DENND6B: variants seen among roughly 807,000 people sequenced by gnomAD.
The protein encoded by DENND6B is DENN domain containing 6B, also known as protein DENND6B.
DENND6B carries 73 observed loss-of-function variants against 85.1 expected under a neutral mutation model. That is an observed-to-expected ratio of 0.86 (90% CI 0.71 to 1.04). DENND6B has a LOEUF of 1.04. DENND6B is among the 50% of genes least tolerant of loss of function. DENND6B has a pLI of 0.00. For missense variants in DENND6B, 715 were observed against 785.8 expected, an observed-to-expected ratio of 0.91 and a Z score of 1.08; for synonymous variants, 357 against 329.3, an observed-to-expected ratio of 1.08 and a Z score of -0.91.
Position 50,311,997 on chromosome 22 carries a change from A to G in DENND6B, c.*142T>C. 5 of 1,345,058 alleles carry G rather than the reference A, an allele frequency of 3.7e-6. No individual in the cohort carries two copies. Among genetic ancestry groups the G allele is most frequent in the Non-Finnish European group, 5.0e-6 (5 of 1,007,348 alleles). The allele number at this position is 1,345,058 out of a possible 1,614,324, so 83.3% of individuals were successfully genotyped here. ...AAATGTCGCCTTTACTGCTGAGACA[A>G]TGGTGGTGCAGGAAGGGGAGCCTGC... On this transcript the variant is annotated 3_prime_UTR_variant, in exon 20 of 20. Coordinates refer to ENST00000413817, the MANE Select transcript of DENND6B (RefSeq NM_001001794.4).
chr22:50,315,942 G>A, intron 8 of DENND6B, 83 bp downstream of exon 8: 1 of 1,600,570 alleles, frequency 6.2e-7, no homozygotes, highest in Admixed American at 1.7e-5. Flanking sequence ...CAAGGAAGCA[G>A]GTGTGGGACC....
At chr22:50,325,974 T>G (rs1052370631) in intron 1 of DENND6B, among the ~76,000 whole-genome samples, 1 of 152,132 alleles carries the variant, frequency 6.6e-6, no homozygotes, top group African/African-American at 2.4e-5. Flanking sequence ...CCTGCGGTAA[T>G]AGAGAGCTCA....
intron 17 of DENND6B, 85 bp downstream of exon 17, chr22:50,312,914 C>T (rs1287505677): frequency 6.8e-6 from 8 of 1,173,742 alleles, no homozygotes; most frequent in Middle Eastern, 2.9e-4. Flanking sequence ...TGGGGATGAC[C>T]CTGGGGATTG....
At position 50,316,031 on chromosome 22, in the gene DENND6B, G is replaced by A. The variant is rs761932421; in HGVS notation, c.696C>T (p.Asp232=). 2.5e-6 allele frequency: 4 copies of A among 1,612,562 alleles called. No individual in the cohort carries two copies. In the Admixed American group the frequency reaches 6.7e-5, roughly 27 times the overall value. Residue 232 remains aspartate, a synonymous_variant, in exon 8 of 20, where the codon GAC becomes GAT. Transcript: ENST00000413817. ...KSESSPPKQF[D]QENLLPAPVV... Reference sequence around the variant, plus strand: ...CCTCCGCCTCAGCTCCCACCTCTTGGTCAAACTGCTTCGGAGGACTGGACT... The same window carrying A: ...CCTCCGCCTCAGCTCCCACCTCTTGATCAAACTGCTTCGGAGGACTGGACT...
At chr22:50,315,811 G>T in intron 8 of DENND6B, 42 bp from the exon 9 acceptor site, 10 of 1,486,742 alleles carry the variant, frequency 6.7e-6, no homozygotes, top group Non-Finnish European at 9.0e-6. Flanking sequence ...GGGGAGGCTG[G>T]CACCCCTTGG....
intron 1 of DENND6B, among the ~76,000 whole-genome samples, chr22:50,321,982 T>G (rs1033368257): frequency 6.6e-6 from 1 of 151,752 alleles, no homozygotes; most frequent in Non-Finnish European, 1.5e-5. Flanking sequence ...AAGCCTGTGC[T>G]ACCACGCCCA....
At chr22:50,316,710 G>C (rs1014281745) in intron 5 of DENND6B, 1 of 1,458,638 alleles carries the variant, frequency 6.9e-7, no homozygotes, top group Non-Finnish European at 9.1e-7. Context: ...TGGACCCTAG[G>C]GCCTTCGGAG....
chr22:50,312,248 C>T lies in DENND6B; in HGVS notation c.1649G>A (p.Gly550Asp), dbSNP rs1268524032. Residue 550 changes from glycine to aspartate, a missense_variant, in exon 20 of 20, where the codon GGC becomes GAC. Physicochemically the swap from Gly to Asp is moderately conservative, Grantham distance 94 (BLOSUM62 -1). Transcript: ENST00000413817. ...KLREKLVRAQ[G>D]HQLPVKEATL... ...AGCCTCCTTCACAGGGAGCTGGTGG[C>T]CCTGAGCCCGCACCTGGAGGGGCAG... The T allele has an allele frequency of 1.9e-6, 3 of 1,612,016 alleles. No individual in the cohort carries two copies. The highest frequency in any genetic ancestry group is 2.2e-5 in the South Asian group (2 of 90,978).
At chr22:50,324,962 T>C (rs1397448902) in intron 1 of DENND6B, among the ~76,000 whole-genome samples, 1 of 152,202 alleles carries the variant, frequency 6.6e-6, no homozygotes, top group Non-Finnish European at 1.5e-5. Flanking sequence ...TTAGCTGGGC[T>C]GAGCTGTGAC....
At chr22:50,323,151 G>GCCA (rs2042101632) in intron 1 of DENND6B, among the ~76,000 whole-genome samples, 1 of 146,852 alleles carries the variant, frequency 6.8e-6, no homozygotes, top group South Asian at 2.2e-4. Flanking sequence ...ACAGGTGTGA[G>GCCA]CCACCACGCC....
At chr22:50,325,493 C>T (rs964926425) in intron 1 of DENND6B, among the ~76,000 whole-genome samples, 3 of 151,986 alleles carry the variant, frequency 2.0e-5, no homozygotes, top group Non-Finnish European at 2.9e-5. Flanking sequence ...TGTGCCACCT[C>T]GCCCGGCTAA....
chr22:50,318,258 AC>A (rs2041920672), intron 3 of DENND6B, among the ~76,000 whole-genome samples: 1 of 152,098 alleles, frequency 6.6e-6, no homozygotes, highest in East Asian at 1.9e-4. Context: ...CAGGAGAATC[AC>A]TTGAACTTAG....
chr22:50,313,125 G>A lies in DENND6B; in HGVS notation c.1348-17C>T, dbSNP rs2068106753. 6.5e-7 allele frequency: 1 copy of A among 1,549,368 alleles called. No homozygotes were observed. The highest frequency in any genetic ancestry group is 8.7e-7 in the Non-Finnish European group (1 of 1,145,752). ...GGGGGGAGTCTGAGAGGGGATGGGT[G>A]AGCCAGCACGTGGGAACTCGGCCTC... On this transcript the variant is annotated splice_polypyrimidine_tract_variant and intron_variant, in intron 16 of 19. Transcript: ENST00000413817.
chr22:50,319,586 A>C, intron 1 of DENND6B: 1 of 898,926 alleles, frequency 1.1e-6, no homozygotes, highest in Non-Finnish European at 1.3e-6. Flanking sequence ...CATCTCCCTC[A>C]CCACCCGCCA....
At chr22:50,320,820 T>C (rs950963020) in intron 1 of DENND6B, among the ~76,000 whole-genome samples, 1 of 152,198 alleles carries the variant, frequency 6.6e-6, no homozygotes, top group African/African-American at 2.4e-5. Flanking sequence ...CAGGAGCCTG[T>C]GGCCTCTGAG....
chr22:50,314,091 G>T, intron 13 of DENND6B, 116 bp downstream of exon 13: 3 of 1,355,444 alleles, frequency 2.2e-6, no homozygotes, highest in Non-Finnish European at 2.9e-6. Context: ...CTCTGCTGCT[G>T]AGTCCTGGAA....
At chr22:50,315,398 G>A (rs561819753) in intron 9 of DENND6B, among the ~76,000 whole-genome samples, 1 of 152,318 alleles carries the variant, frequency 6.6e-6, no homozygotes, top group East Asian at 1.9e-4. Context: ...GCCTCTCCTT[G>A]ACACCTGTCT....
chr22:50,317,312 T>C lies in DENND6B; in HGVS notation c.434A>G (p.Lys145Arg). The C allele has an allele frequency of 1.2e-6, 2 of 1,612,888 alleles. No individual in the cohort carries two copies. Among genetic ancestry groups the C allele is most frequent in the Non-Finnish European group, 1.7e-6 (2 of 1,179,628 alleles). The change falls in exon 5 of 20, where the codon AAG (lysine) becomes AGG (arginine). Residue 145 changes from lysine (K) to arginine (R), a missense_variant. Coordinates refer to ENST00000413817, the MANE Select transcript of DENND6B (RefSeq NM_001001794.4). The part of the protein sequence containing the change: ...YFRQVKDSSV[K>R]RGYFQKSLVL... Reference sequence around the variant, plus strand: ...GCGCACCTTCTGGAAGTAGCCCCTCTTCACAGAGCTGTCCTTCACCTGCCT... The same window carrying C: ...GCGCACCTTCTGGAAGTAGCCCCTCCTCACAGAGCTGTCCTTCACCTGCCT...
At chr22:50,316,711 GC>G in intron 5 of DENND6B, 1 of 1,458,492 alleles carries the variant, frequency 6.9e-7, no homozygotes, top group Non-Finnish European at 9.1e-7. Context: ...GGACCCTAGG[GC>G]CTTCGGAGGG....
Sources: allele counts gnomAD v4.1 joint callset (sites outside exome capture counted in the v4.1 genomes callset), GRCh38; gene constraint gnomAD v4.1.1; transcripts MANE v1.5; gene names NCBI Gene and HGNC (gene_info 2026-07-23, HGNC 2026-07-21).